Variants in CDC42BPB observed in about 807,000 individuals in gnomAD.
CDC42BPB encodes serine/threonine-protein kinase MRCK beta.
In CDC42BPB, 37 loss-of-function variants were observed where a neutral mutation model predicts 214.9. That is an observed-to-expected ratio of 0.17 (90% CI 0.13 to 0.23). The LOEUF (loss-of-function observed/expected upper bound fraction) is 0.23. Ranked by LOEUF, CDC42BPB falls within the 10% of genes least tolerant of loss-of-function variation. CDC42BPB has a pLI of 1.00. For synonymous variants in CDC42BPB, 931 were observed against 884.0 expected (o/e 1.05, Z -0.94); for missense variants, 1,694 against 2,227.0 (o/e 0.76, Z 4.82).
intron 23 of CDC42BPB, among the ~76,000 whole-genome samples, chr14:102,953,296 G>A (rs1410046805): frequency 1.3e-5 from 2 of 152,272 alleles, no homozygotes; most frequent in East Asian, 3.8e-4. Context: ...GAAGAGGCTG[G>A]CTGAGGTGGG....
At chr14:102,942,652 C>T (rs1194709094) in intron 30 of CDC42BPB, among the ~76,000 whole-genome samples, 4 of 152,120 alleles carry the variant, frequency 2.6e-5, no homozygotes, top group Non-Finnish European at 2.9e-5. Flanking sequence ...TCAAGCAATC[C>T]TCCTGTCTCA....
chr14:102,949,928 C>G (rs761356451), intron 25 of CDC42BPB, 24 bp from the exon 26 acceptor site: 1 of 1,610,918 alleles, frequency 6.2e-7, no homozygotes, highest in South Asian at 1.1e-5. Flanking sequence ...CAAACAGTGG[C>G]CACGTTCCAC....
At chr14:102,938,838 G>A (rs549657620) in intron 34 of CDC42BPB, among the ~76,000 whole-genome samples, 3 of 152,196 alleles carry the variant, frequency 2.0e-5, no homozygotes, top group Middle Eastern at 3.4e-3. Flanking sequence ...ATGTTGGCCA[G>A]GCTGGTCTCA....
At position 102,944,346 on chromosome 14, in the gene CDC42BPB, A is replaced by G; in HGVS notation, c.3953T>C (p.Phe1318Ser). The G allele has an allele frequency of 6.2e-7, 1 of 1,613,142 alleles. No individual in the cohort carries two copies. The highest frequency in any genetic ancestry group is 8.5e-7 in the Non-Finnish European group (1 of 1,179,994). Reference protein sequence around the residue: ...WSSLDGAEGSFDIKLPETKGC... With the variant: ...WSSLDGAEGSSDIKLPETKGC... ...TTTGGTTTCCGGAAGCTTGATGTCAAAGCTGCCTTCCGCTCCATCAAGGGA... is the reference window on the plus strand; with the variant it reads ...TTTGGTTTCCGGAAGCTTGATGTCAGAGCTGCCTTCCGCTCCATCAAGGGA... Residue 1318 changes from phenylalanine to serine, a missense_variant, in exon 30 of 37, where the codon TTT becomes TCT. Phe to Ser is a radical substitution (Grantham distance 155). This residue lies in a region of CDC42BPB where 567 missense variants were observed against 790.3 expected (regional missense o/e 0.72). Transcript: ENST00000361246. This position sits in a 1 kb window ranked among gnomAD's most constrained non-coding sequence, Gnocchi z 6.6.
At chr14:103,030,813 G>A (rs941589033) in intron 1 of CDC42BPB, among the ~76,000 whole-genome samples, 8 of 152,078 alleles carry the variant, frequency 5.3e-5, no homozygotes, top group East Asian at 3.9e-4. Context: ...GCGAAAGCCC[G>A]TCTCTACAAA....
Position 102,971,838 on chromosome 14 carries a change from C to A in CDC42BPB, c.1884+81G>T, listed in dbSNP as rs1030734636. 9 of 1,448,358 alleles carry A rather than the reference C, an allele frequency of 6.2e-6. No individual in the cohort carries two copies. The Admixed American group carries it at 7.6e-5, about 12-fold the overall frequency. 89.7% of individuals were successfully genotyped at this position (1,448,358 alleles called of 1,614,324 possible). A position where few individuals can be genotyped will look rare whatever the true frequency, so the allele number is the denominator to read the frequency against. On this transcript the variant is annotated intron_variant, in intron 13 of 36. Transcript: ENST00000361246. ...ATTTCTGACCCCTTTTACAGTAATG[C>A]AGCCCAAGATTTCAAAGACGTTTTA...
chr14:102,994,475 A>G (rs1032582854), intron 5 of CDC42BPB, among the ~76,000 whole-genome samples: 1 of 152,138 alleles, frequency 6.6e-6, no homozygotes, highest in Non-Finnish European at 1.5e-5. Context: ...CCAACCGCCG[A>G]GGCCTTTAGA....
chr14:102,976,069 G>A lies in CDC42BPB; in HGVS notation c.1221-20C>T, dbSNP rs779929256. ...AAACAGCTGGGAAACCAAGCAACAG[G>A]TTTTTTTGATCTACTGAAAATTTAG... On this transcript the variant is annotated intron_variant, in intron 9 of 36. Coordinates refer to ENST00000361246, the MANE Select transcript of CDC42BPB (RefSeq NM_006035.4). 7 of 1,602,394 alleles carry A rather than the reference G, an allele frequency of 4.4e-6. No individual in the cohort carries two copies. The South Asian group carries it at 5.5e-5, about 13-fold the overall frequency.
In CDC42BPB at chr14:102,963,145, C is replaced by A. The variant is rs1430397174; in HGVS notation, c.2737G>T (p.Asp913Tyr). 1.3e-6 allele frequency: 2 copies of A among 1,594,824 alleles called. No homozygotes were observed. Among genetic ancestry groups the A allele is most frequent in the African/African-American group, 1.3e-5 (1 of 74,284 alleles). ...ANLTLESKLKDSEAKNRELLE... is the reference protein window; with the variant it reads ...ANLTLESKLKYSEAKNRELLE... ...AATTCTCTGTTTTTGGCTTCGGAATCCTTTAGTTTGCTAAAATAAAAAATA... is the reference window on the plus strand; with the variant it reads ...AATTCTCTGTTTTTGGCTTCGGAATACTTTAGTTTGCTAAAATAAAAAATA... Residue 913 changes from aspartate to tyrosine, a missense_variant, in exon 20 of 37, where the codon GAT (aspartate) becomes TAT (tyrosine). By Grantham distance (160) the Asp-to-Tyr change is radical. Transcript: ENST00000361246.
Position 103,021,876 on chromosome 14 carries a change from G to A in CDC42BPB, c.176-9688C>T, listed in dbSNP as rs1051937942. On this transcript the variant is annotated intron_variant, in intron 1 of 36. Coordinates refer to ENST00000361246, the MANE Select transcript of CDC42BPB (RefSeq NM_006035.4). The stretch of plus-strand genomic sequence containing the variant: ...TCCTGGCTGTTCCTGAAAGTGAGAC[G>A]AGCGGATTTCCTGCTGGATGGGGCG... Among the ~76,000 whole-genome samples the A allele has an allele frequency of 8.5e-5, 13 of 152,240 alleles. No individual in the cohort carries two copies. In the East Asian group the frequency reaches 2.1e-3, roughly 25 times the overall value.
chr14:103,036,942 G>A (rs1257204565), intron 1 of CDC42BPB, among the ~76,000 whole-genome samples: 6 of 151,944 alleles, frequency 3.9e-5, no homozygotes. Flanking sequence ...TCAGCCTCCT[G>A]AGTAGCTAGG....
At chr14:102,996,812 CAA>C (rs34138749) in intron 5 of CDC42BPB, among the ~76,000 whole-genome samples, 2 of 125,202 alleles carry the variant, frequency 1.6e-5, no homozygotes, top group Non-Finnish European at 3.2e-5. Flanking sequence ...GACTCCATCT[CAA>C]AAAAAAAAAA....
At chr14:103,045,336 A>G (rs1023858763) in intron 1 of CDC42BPB, among the ~76,000 whole-genome samples, 1 of 152,170 alleles carries the variant, frequency 6.6e-6, no homozygotes, top group Non-Finnish European at 1.5e-5. Context: ...AAAGCTCTGG[A>G]GGTTAAACAC....
chr14:103,016,409 G>A (rs1244127360), intron 1 of CDC42BPB, among the ~76,000 whole-genome samples: 2 of 152,342 alleles, frequency 1.3e-5, no homozygotes, highest in East Asian at 3.9e-4. Context: ...GAGTGGGGGG[G>A]TCAGAGCTCC....
chr14:103,014,863 A>C (rs1158887254), intron 1 of CDC42BPB, among the ~76,000 whole-genome samples: 1 of 151,896 alleles, frequency 6.6e-6, no homozygotes, highest in Admixed American at 6.6e-5. Context: ...TCTGAAAAAC[A>C]AAACAAAACA....
At chr14:102,974,278 A>T (rs2139485614) in intron 11 of CDC42BPB, 129 bp from the exon 12 acceptor site, 65 of 1,394,428 alleles carry the variant, frequency 4.7e-5, no homozygotes, top group East Asian at 8.3e-5. Flanking sequence ...AGGTTTTTTT[A>T]CTTACACACA....
At chr14:102,966,483 G>T in intron 17 of CDC42BPB, 96 bp from the exon 18 acceptor site, 1 of 1,542,632 alleles carries the variant, frequency 6.5e-7, no homozygotes, top group Non-Finnish European at 8.8e-7. Context: ...GGCACACAGT[G>T]ACACAGTGTC....
rs1427271427 is a variant in CDC42BPB, at chr14:102,944,031, G to C, written c.4268C>G (p.Ser1423Cys). The C allele has an allele frequency of 3.1e-6, 5 of 1,613,440 alleles. No individual in the cohort carries two copies. The highest frequency in any genetic ancestry group is 4.2e-6 in the Non-Finnish European group (5 of 1,180,026). ...DPSLAFLSQQ[S>C]FDALCAVELE... is the part of the protein sequence containing the mutation. The stretch of plus-strand genomic sequence containing the variant: ...CTCCACAGCACAAAGGGCATCAAAA[G>C]ACTGTTGTGAGAGGAACGCAAGCGA... The change falls in exon 30 of 37, where the codon TCT becomes TGT. Residue 1423 changes from serine to cysteine, a missense_variant. Ser to Cys is a moderately radical substitution (Grantham distance 112). Around this residue, in one of 7 missense-constraint regions of CDC42BPB, gnomAD observed 567 missense variants for 790.3 expected, o/e 0.72. Coordinates refer to ENST00000361246, the MANE Select transcript of CDC42BPB (RefSeq NM_006035.4). This position sits in a 1 kb window ranked among gnomAD's most constrained non-coding sequence, Gnocchi z 6.6.
At chr14:102,976,880 G>T (rs1194902849) in intron 9 of CDC42BPB, among the ~76,000 whole-genome samples, 1 of 152,180 alleles carries the variant, frequency 6.6e-6, no homozygotes, top group East Asian at 1.9e-4. Flanking sequence ...TGGTGAGCTG[G>T]CATGTATTAG....
Sources: gnomAD v4.1 joint callset for allele counts (sites outside exome capture counted in the v4.1 genomes callset) on GRCh38, gnomAD v4.1.1 for gene constraint, gnomAD v4.1.1 regional missense constraint, Gnocchi (gnomAD v3.1) non-coding constraint, MANE v1.5 for transcripts, NCBI Gene and HGNC (gene_info 2026-07-23, HGNC 2026-07-21) for gene names.